SCAF8: variants seen among roughly 807,000 people sequenced by gnomAD.
The protein encoded by SCAF8 is SR-related and CTD-associated factor 8.
Under a neutral mutation model 140.5 loss-of-function variants are expected in SCAF8, and 23 were observed. The observed-to-expected ratio is 0.16, with a 90% CI of 0.12 to 0.23. SCAF8 has a LOEUF of 0.23. SCAF8 is among the 10% of genes least tolerant of loss of function. The pLI is 1.00. For synonymous variants in SCAF8, 575 were observed against 528.9 expected, an observed-to-expected ratio of 1.09 and a Z score of -1.20; for missense variants, 1,397 against 1,555.7, an observed-to-expected ratio of 0.90 and a Z score of 1.72.
chr6:154,793,369 T>C (rs1777480404), intron 5 of SCAF8, among the ~76,000 whole-genome samples: 1 of 151,974 alleles, frequency 6.6e-6, no homozygotes. Context: ...AATTTCAAAA[T>C]CGTGTTCTCT....
intron 5 of SCAF8, 81 bp downstream of exon 5, chr6:154,793,057 G>A (rs1218162685): frequency 4.4e-6 from 5 of 1,132,154 alleles, no homozygotes; most frequent in Middle Eastern, 2.1e-4. Context: ...AAAATAATTC[G>A]ACAGTGCAGG....
chr6:154,820,277 A>C lies in SCAF8; in HGVS notation c.1736A>C (p.Asp579Ala). 2 of 1,612,456 alleles carry C rather than the reference A, an allele frequency of 1.2e-6. No homozygotes were observed. Among genetic ancestry groups the C allele is most frequent in the East Asian group, 2.2e-5 (1 of 44,792 alleles). ...TYIPWEKVKV[D>A]DLEGFAEGGM... Reference sequence around the variant, plus strand: ...ATACCATGGGAAAAAGTTAAAGTGGATGACTTGGAAGGTTTTGCAGAAGGA... The same window carrying C: ...ATACCATGGGAAAAAGTTAAAGTGGCTGACTTGGAAGGTTTTGCAGAAGGA... The change falls in exon 15 of 20, where the codon GAT becomes GCT. Residue 579 changes from aspartate (D) to alanine (A), a missense_variant. Physicochemically the swap from Asp to Ala is moderately radical, Grantham distance 126. This residue lies in a region of SCAF8 where 930 missense variants were observed against 874.6 expected (regional missense o/e 1.06). Transcript: ENST00000367178.
intron 1 of SCAF8, among the ~76,000 whole-genome samples, chr6:154,753,711 A>G (rs1778897354): frequency 6.6e-6 from 1 of 152,234 alleles, no homozygotes; most frequent in Non-Finnish European, 1.5e-5. Context: ...AGATGCATGT[A>G]GAATACGCTG....
chr6:154,763,943 A>G (rs1776485181), intron 1 of SCAF8, among the ~76,000 whole-genome samples: 1 of 152,188 alleles, frequency 6.6e-6, no homozygotes, highest in Non-Finnish European at 1.5e-5. Flanking sequence ...TAGAATGGTT[A>G]CTATCTGGCC....
rs1383773996 is a variant in SCAF8, at chr6:154,827,070, C to A, written c.2072-102C>A. 9 of 918,308 alleles carry A rather than the reference C, an allele frequency of 9.8e-6. No individual in the cohort carries two copies. In the African/African-American group the frequency reaches 1.6e-4, roughly 16 times the overall value. The allele number at this position is 918,308 out of a possible 1,614,324, so 56.9% of individuals were successfully genotyped here. ...ATATATATAAATATGAGGTTGTAGTCCATTTTAAGAATATGAAGTTTCATT... is the reference window on the plus strand; with the variant it reads ...ATATATATAAATATGAGGTTGTAGTACATTTTAAGAATATGAAGTTTCATT... On this transcript the variant is annotated intron_variant, in intron 17 of 19. Transcript: ENST00000367178.
At chr6:154,791,883 T>G (rs1285301222) in intron 4 of SCAF8, among the ~76,000 whole-genome samples, 1 of 152,096 alleles carries the variant, frequency 6.6e-6, no homozygotes. Context: ...ATGTTGAGAC[T>G]CTTTATGAGG....
chr6:154,810,720 G>C (rs1411262247), intron 12 of SCAF8, among the ~76,000 whole-genome samples: 1 of 152,204 alleles, frequency 6.6e-6, no homozygotes, highest in Non-Finnish European at 1.5e-5. Flanking sequence ...GTGGGGTTTG[G>C]TTTTGGAGCA....
intron 6 of SCAF8, among the ~76,000 whole-genome samples, chr6:154,797,687 C>T (rs779014148): frequency 2.0e-5 from 3 of 151,388 alleles, no homozygotes; most frequent in African/African-American, 7.3e-5. Flanking sequence ...AACCACCGTG[C>T]CCAGCCTATC....
chr6:154,760,152 G>C (rs1779066361), intron 1 of SCAF8, among the ~76,000 whole-genome samples: 1 of 152,120 alleles, frequency 6.6e-6, no homozygotes, highest in Admixed American at 6.5e-5. Flanking sequence ...AAATTAGCCA[G>C]ATGTAGTGGT....
At chr6:154,741,833 T>C (rs1196154972) in intron 1 of SCAF8, 5 of 633,202 alleles carry the variant, frequency 7.9e-6, no homozygotes, top group Non-Finnish European at 1.4e-5. Context: ...TTCTAACTCA[T>C]AATGGTGTGA....
rs144408028 is a variant in SCAF8, at chr6:154,738,106, G to T, written c.30+4176G>T. On this transcript the variant is annotated intron_variant, in intron 1 of 19. Coordinates refer to ENST00000367178, the MANE Select transcript of SCAF8 (RefSeq NM_014892.5). ...AGGCTGAGGTGGGAGGATCTGTTGA[G>T]CCCAGGAGTTCGAGGCTATAGAGTG... Among the ~76,000 whole-genome samples the T allele has an allele frequency of 3.9e-3, 586 of 151,714 alleles. 5 individuals are homozygous for T. The highest frequency in any genetic ancestry group is 0.022 in the South Asian group (105 of 4,808).
At chr6:154,768,372 T>G (rs1262474020) in intron 1 of SCAF8, among the ~76,000 whole-genome samples, 2 of 152,214 alleles carry the variant, frequency 1.3e-5, no homozygotes, top group Non-Finnish European at 2.9e-5. Context: ...CTTCGAGAAC[T>G]GCAAGATACC....
At chr6:154,772,415 C>T (rs913372903) in intron 1 of SCAF8, among the ~76,000 whole-genome samples, 6 of 152,178 alleles carry the variant, frequency 3.9e-5, no homozygotes, top group African/African-American at 1.2e-4. Flanking sequence ...GTAGGCCGGG[C>T]ACTGTGGCTC....
intron 1 of SCAF8, among the ~76,000 whole-genome samples, chr6:154,773,009 C>G (rs1776815570): frequency 6.6e-6 from 1 of 152,196 alleles, no homozygotes; most frequent in Non-Finnish European, 1.5e-5. Context: ...ATCTACCTGT[C>G]TAGGCCTCCC....
chr6:154,779,357 A>T (rs1423649075), intron 3 of SCAF8, among the ~76,000 whole-genome samples: 1 of 152,136 alleles, frequency 6.6e-6, no homozygotes, highest in African/African-American at 2.4e-5. Context: ...AATGTCTTAC[A>T]CTATGCCTCA....
intron 6 of SCAF8, among the ~76,000 whole-genome samples, chr6:154,799,462 G>A (rs1162946727): frequency 6.6e-6 from 1 of 151,188 alleles, no homozygotes; most frequent in Admixed American, 6.6e-5. Context: ...TATGTTCTCA[G>A]TTTGACCTAT....
intron 5 of SCAF8, among the ~76,000 whole-genome samples, chr6:154,794,323 CTAAAG>C (rs1193734033): frequency 1.3e-5 from 2 of 151,978 alleles, no homozygotes; most frequent in African/African-American, 4.8e-5. Flanking sequence ...ATTTTTGTCT[CTAAAG>C]TAAGATTTTT....
At chr6:154,753,053 G>T (rs569402371) in intron 1 of SCAF8, among the ~76,000 whole-genome samples, 2 of 152,162 alleles carry the variant, frequency 1.3e-5, no homozygotes, top group East Asian at 3.9e-4. Flanking sequence ...AGTGGGCCGG[G>T]CATGGTGGCT....
intron 4 of SCAF8, among the ~76,000 whole-genome samples, chr6:154,791,695 G>A (rs924785504): frequency 2.0e-5 from 3 of 152,090 alleles, no homozygotes; most frequent in Non-Finnish European, 4.4e-5. Flanking sequence ...CAGCAGCAAC[G>A]TTATATAGAT....
Sources: gnomAD v4.1 joint callset for allele counts (sites outside exome capture counted in the v4.1 genomes callset) on GRCh38, gnomAD v4.1.1 for gene constraint, gnomAD v4.1.1 regional missense constraint, MANE v1.5 for transcripts, NCBI Gene and HGNC (gene_info 2026-07-23, HGNC 2026-07-21) for gene names.